The following SENP1 variants were observed in gnomAD, a reference collection of about 807,000 sequenced individuals.
SENP1 encodes the protein sentrin-specific protease 1.
Under a neutral mutation model 93.0 loss-of-function variants are expected in SENP1, and 21 were observed. The observed-to-expected ratio is 0.23, with a 90% CI of 0.16 to 0.33. The LOEUF (loss-of-function observed/expected upper bound fraction) is 0.33, where lower values mean the gene tolerates loss of function less well. Ranked by LOEUF, SENP1 falls within the 10% of genes least tolerant of loss-of-function variation. The probability of loss-of-function intolerance (pLI) is 1.00; values close to 1 mark genes in which losing one functional copy is unlikely to be tolerated. For synonymous variants in SENP1, 256 were observed against 259.6 expected, an observed-to-expected ratio of 0.99 and a Z score of 0.13; for missense variants, 591 against 758.7, an observed-to-expected ratio of 0.78 and a Z score of 2.60.
At chr12:48,077,893 C>A (rs1057024616) in intron 6 of SENP1, among the ~76,000 whole-genome samples, 2 of 152,038 alleles carry the variant, frequency 1.3e-5, no homozygotes, top group Non-Finnish European at 1.5e-5. Flanking sequence ...GTTCTTTCTG[C>A]TCATAATTGC....
intron 15 of SENP1, 46 bp from the exon 16 acceptor site, chr12:48,047,108 T>A: frequency 8.3e-7 from 1 of 1,200,112 alleles, no homozygotes; most frequent in Non-Finnish European, 1.2e-6. Flanking sequence ...GGAACATCGA[T>A]GACAGCTGCC....
Position 48,045,233 on chromosome 12 carries a change from G to T in SENP1, c.*89C>A. ...ATCAAGGGTGTTACAACAGCAGAGG[G>T]CTGGGAGCAGCTGTTTCCAAGGTCT... On this transcript the variant is annotated 3_prime_UTR_variant, in exon 18 of 18. Transcript: ENST00000549518. 1 of 1,065,940 alleles carries T rather than the reference G, an allele frequency of 9.4e-7. No individual in the cohort carries two copies. The highest frequency in any genetic ancestry group is 1.4e-6 in the Non-Finnish European group (1 of 694,462). 66.0% of individuals were successfully genotyped at this position (1,065,940 alleles called of 1,614,324 possible). A position where few individuals can be genotyped will look rare whatever the true frequency, so the allele number is the denominator to read the frequency against.
intron 2 of SENP1, among the ~76,000 whole-genome samples, chr12:48,099,944 A>T (rs916172411): frequency 2.0e-5 from 3 of 152,236 alleles, no homozygotes; most frequent in Non-Finnish European, 2.9e-5. Context: ...TACCTTTGTT[A>T]CTATAGAAGA....
chr12:48,074,604 A>T lies in SENP1; in HGVS notation c.660T>A (p.Ser220=). The T allele has an allele frequency of 6.2e-7, 1 of 1,611,342 alleles. No homozygotes were observed. The highest frequency in any genetic ancestry group is 1.1e-5 in the South Asian group (1 of 90,836). Residue 220 remains serine (S), a synonymous_variant, in exon 8 of 18, where the codon TCT becomes TCA. Transcript: ENST00000549518. ...KPTTHFPLHL[S]RCLSSSKNTL... Reference sequence around the variant, plus strand: ...TATTTTTACTGGAACTAAGACATCGAGACCTAGCAAGAGAAGAATATTGTT... The same window carrying T: ...TATTTTTACTGGAACTAAGACATCGTGACCTAGCAAGAGAAGAATATTGTT...
chr12:48,070,835 C>A (rs997036727), intron 9 of SENP1, among the ~76,000 whole-genome samples: 1 of 152,134 alleles, frequency 6.6e-6, no homozygotes, highest in African/African-American at 2.4e-5. Context: ...CTCACACCTA[C>A]GATCCCAGCA....
At chr12:48,105,182 A>C (rs1946405176) in intron 1 of SENP1, 1 of 311,060 alleles carries the variant, frequency 3.2e-6, no homozygotes, top group Non-Finnish European at 6.5e-6. Context: ...AAGAATCACC[A>C]CCACTCCAAA....
Position 48,045,316 on chromosome 12 carries a change from C to T in SENP1, c.*6G>A. 1.2e-6 allele frequency: 2 copies of T among 1,612,874 alleles called. No homozygotes were observed. The highest frequency in any genetic ancestry group is 1.1e-5 in the South Asian group (1 of 90,994). Reference sequence around the variant, plus strand: ...CATGGTCAAGGTCTGCTAAGTGAGACAGTCTTCACAAGAGTTTTCGGTGGA... The same window carrying T: ...CATGGTCAAGGTCTGCTAAGTGAGATAGTCTTCACAAGAGTTTTCGGTGGA... On this transcript the variant is annotated 3_prime_UTR_variant, in exon 18 of 18. Coordinates refer to ENST00000549518, the MANE Select transcript of SENP1 (RefSeq NM_001267594.2).
intron 2 of SENP1, among the ~76,000 whole-genome samples, chr12:48,099,560 A>G (rs1968070): frequency 4.9e-4 from 74 of 152,220 alleles, no homozygotes; most frequent in African/African-American, 1.8e-3. Flanking sequence ...TCACACCTGT[A>G]ATCCCAGCAC....
chr12:48,065,673 C>T lies in SENP1; in HGVS notation c.1042G>A (p.Val348Ile). The change falls in exon 11 of 18, where the codon GTT (valine) becomes ATT (isoleucine). Residue 348 changes from valine (V) to isoleucine (I), a missense_variant. Val to Ile is a conservative substitution (Grantham distance 29). Coordinates refer to ENST00000549518, the MANE Select transcript of SENP1 (RefSeq NM_001267594.2). ...CTTTCTCGTGCTCGAGAATCATAAA[C>T]ACTAGTTCTAGAAAATGAAAAGGAA... ...AELWIKELTSVYDSRARERLR... is the reference protein window; with the variant it reads ...AELWIKELTSIYDSRARERLR... The T allele has an allele frequency of 6.4e-7, 1 of 1,554,178 alleles. No individual in the cohort carries two copies. The highest frequency in any genetic ancestry group is 8.7e-7 in the Non-Finnish European group (1 of 1,147,282).
At chr12:48,058,809 A>G (rs1942762033) in intron 13 of SENP1, among the ~76,000 whole-genome samples, 1 of 152,080 alleles carries the variant, frequency 6.6e-6, no homozygotes, top group African/African-American at 2.4e-5. Context: ...AGAACACGTA[A>G]TATTTCTTCT....
intron 1 of SENP1, chr12:48,105,776 G>A: frequency 1.7e-6 from 1 of 572,610 alleles, no homozygotes; most frequent in Non-Finnish European, 3.1e-6. Flanking sequence ...TCTCTCCGCG[G>A]CCCAGGAGAG....
At chr12:48,055,011 G>A in intron 13 of SENP1, 1 of 224,408 alleles carries the variant, frequency 4.5e-6, no homozygotes, top group Non-Finnish European at 9.4e-6. Context: ...CTTGGGTGTA[G>A]GTGTTGTTCC....
intron 5 of SENP1, among the ~76,000 whole-genome samples, chr12:48,087,213 A>G (rs1051881228): frequency 1.3e-4 from 20 of 152,346 alleles, no homozygotes; most frequent in African/African-American, 4.6e-4. Context: ...AAAATTTACA[A>G]AAGAATATGT....
At position 48,064,731 on chromosome 12, in the gene SENP1, C is replaced by T. The variant is rs73301152; in HGVS notation, c.1275+334G>A. 7.5e-3 allele frequency among the ~76,000 whole-genome samples: 1,148 copies of T among 152,194 alleles called. 18 individuals are homozygous for T. Among genetic ancestry groups the T allele is most frequent in the African/African-American group, 0.025 (1,031 of 41,496 alleles). ...TTGCTCTGTCACCCAGGCTGAAGTA[C>T]GGTGGCATGATCTCGGCTCACTGCA... On this transcript the variant is annotated intron_variant, in intron 12 of 17. Transcript: ENST00000549518.
chr12:48,076,460 G>C (rs1461740194), intron 6 of SENP1, among the ~76,000 whole-genome samples: 3 of 151,820 alleles, frequency 2.0e-5, no homozygotes, highest in Non-Finnish European at 2.9e-5. Context: ...GACTAGCTGG[G>C]ACTACAGGTG....
rs1944801735 is a variant in SENP1, at chr12:48,085,663, G to A, written c.381-1901C>T. Among the ~76,000 whole-genome samples the A allele has an allele frequency of 2.2e-5, 3 of 139,176 alleles. No homozygotes were observed. In the South Asian group the frequency reaches 6.7e-4, roughly 31 times the overall value. 91.3% of individuals were successfully genotyped at this position (139,176 alleles called of 152,430 possible). On this transcript the variant is annotated intron_variant, in intron 5 of 17. Transcript: ENST00000549518. ...CTCTCCACTACCTCTTCCCTGTGCT[G>A]TTACACAGTGTCATTGTTGATGTTA...
At chr12:48,088,746 C>A in intron 5 of SENP1, 55 bp downstream of exon 5, 2 of 1,513,038 alleles carry the variant, frequency 1.3e-6, no homozygotes, top group African/African-American at 1.4e-5. Flanking sequence ...ACCTTTTAGT[C>A]ACTTTCTCTT....
At chr12:48,089,573 A>G (rs1479026074) in intron 4 of SENP1, among the ~76,000 whole-genome samples, 2 of 152,162 alleles carry the variant, frequency 1.3e-5, no homozygotes, top group Non-Finnish European at 2.9e-5. Flanking sequence ...TATTACTCCA[A>G]TGTTTGCTAC....
At chr12:48,061,191 A>G (rs911156642) in intron 13 of SENP1, among the ~76,000 whole-genome samples, 1 of 152,164 alleles carries the variant, frequency 6.6e-6, no homozygotes, top group Non-Finnish European at 1.5e-5. Flanking sequence ...TTAACTCTGA[A>G]AGCCTACAAA....
Sources: gnomAD v4.1 joint callset for allele counts (sites outside exome capture counted in the v4.1 genomes callset) on GRCh38, gnomAD v4.1.1 for gene constraint, MANE v1.5 for transcripts, NCBI Gene and HGNC (gene_info 2026-07-23, HGNC 2026-07-21) for gene names.